The following NRDC variants were observed in gnomAD, a reference collection of about 807,000 sequenced individuals.
NRDC encodes nardilysin.
NRDC carries 54 observed loss-of-function variants against 147.1 expected under a neutral mutation model. That is an observed-to-expected ratio of 0.37 (90% confidence interval 0.29 to 0.46). The LOEUF (loss-of-function observed/expected upper bound fraction) is 0.46. NRDC is among the 20% of genes least tolerant of loss of function. The pLI is 1.00. For missense variants in NRDC, 1,082 were observed against 1,370.6 expected (o/e 0.79, Z 3.33); for synonymous variants, 440 against 482.1 (o/e 0.91, Z 1.14).
chr1:51,848,359 T>C (rs879295025), intron 1 of NRDC, among the ~76,000 whole-genome samples: 22 of 152,088 alleles, frequency 1.4e-4, no homozygotes, highest in Non-Finnish European at 2.6e-4. Context: ...CAGGCGCCTG[T>C]AGTCCCAGCT....
chr1:51,815,867 C>T (rs904398482), intron 11 of NRDC: 1 of 152,324 alleles, frequency 6.6e-6, no homozygotes, highest in Admixed American at 6.5e-5. Flanking sequence ...AACATGGCTG[C>T]ATATACCATT....
At chr1:51,819,684 A>T in intron 9 of NRDC, 116 bp downstream of exon 9, 1 of 785,030 alleles carries the variant, frequency 1.3e-6, no homozygotes, top group South Asian at 1.8e-5. Context: ...TTCCTTTCCA[A>T]CCCAGCTGTA....
intron 4 of NRDC, among the ~76,000 whole-genome samples, chr1:51,832,289 C>T (rs12135327): frequency 0.51 from 77,669 of 151,998 alleles, 21,139 homozygotes; most frequent in East Asian, 0.93. Context: ...TCAAGTTATC[C>T]GCCCACCTCG....
intron 22 of NRDC, among the ~76,000 whole-genome samples, chr1:51,796,712 C>T (rs1678934984): frequency 6.6e-6 from 1 of 151,522 alleles, no homozygotes; most frequent in South Asian, 2.1e-4. Flanking sequence ...CTCAGCCTCC[C>T]GAGTAGCTGG....
At chr1:51,837,467 T>C (rs1308596542) in intron 2 of NRDC, 2 of 1,544,524 alleles carry the variant, frequency 1.3e-6, no homozygotes, top group Non-Finnish European at 1.8e-6. Flanking sequence ...TGTTCTGTGA[T>C]GTTTTAATAG....
intron 6 of NRDC, among the ~76,000 whole-genome samples, chr1:51,824,071 G>A (rs947943882): frequency 7.3e-5 from 11 of 150,540 alleles, no homozygotes; most frequent in African/African-American, 2.2e-4. Flanking sequence ...TAGTCTAGCA[G>A]TATTCAATCC....
In NRDC at chr1:51,878,433, G is replaced by A; in HGVS notation, c.183C>T (p.Ser61=). The A allele has an allele frequency of 2.5e-6, 4 of 1,614,124 alleles. No homozygotes were observed. Among genetic ancestry groups the A allele is most frequent in the Non-Finnish European group, 3.4e-6 (4 of 1,180,050 alleles). Residue 61 remains serine (S), a synonymous_variant, in exon 1 of 31, where the codon AGC becomes AGT. Coordinates refer to ENST00000352171, the MANE Select transcript of NRDC (RefSeq NM_001101662.2). ...PGRNKAKSTC[S]CPDLQPNGQD... ...GTCCATTGGGCTGCAGGTCAGGGCA[G>A]CTGCAGGTAGACTTCGCCTTGTTCC...
intron 1 of NRDC, among the ~76,000 whole-genome samples, chr1:51,855,933 T>G (rs140414475): frequency 4.1e-4 from 63 of 152,116 alleles, no homozygotes; most frequent in Non-Finnish European, 4.1e-4. Context: ...ACACAAGATG[T>G]CAAATAAAAT....
chr1:51,878,059 C>A, intron 1 of NRDC: 1 of 1,403,974 alleles, frequency 7.1e-7, no homozygotes, highest in Admixed American at 3.0e-5. Flanking sequence ...AAAGCTTCTC[C>A]CATTCTGACG....
chr1:51,854,786 T>TA (rs1682152268), intron 1 of NRDC, among the ~76,000 whole-genome samples: 1 of 152,138 alleles, frequency 6.6e-6, no homozygotes. Context: ...CCAAGGAAGT[T>TA]AAGAGTCACA....
At chr1:51,836,551 A>T (rs1680985312) in intron 2 of NRDC, 10 of 859,768 alleles carry the variant, frequency 1.2e-5, no homozygotes, top group Admixed American at 5.0e-5. Flanking sequence ...TTTTTCCCTG[A>T]ATTACTAGAT....
chr1:51,817,415 C>A (rs1680021559), intron 10 of NRDC, among the ~76,000 whole-genome samples: 1 of 152,030 alleles, frequency 6.6e-6, no homozygotes, highest in South Asian at 2.1e-4. Flanking sequence ...TTCTCTGGCC[C>A]ATGCTACACT....
At chr1:51,851,543 A>C (rs12750741) in intron 1 of NRDC, among the ~76,000 whole-genome samples, 2 of 145,530 alleles carry the variant, frequency 1.4e-5, no homozygotes, top group African/African-American at 5.1e-5. Flanking sequence ...ATTTGGGCCC[A>C]AGGAAAAAAA....
At chr1:51,801,632 G>GTTTTTA (rs1679207054) in intron 20 of NRDC, among the ~76,000 whole-genome samples, 1 of 152,000 alleles carries the variant, frequency 6.6e-6, no homozygotes, top group Non-Finnish European at 1.5e-5. Flanking sequence ...TTCCAAAAAA[G>GTTTTTA]TTTTTATTTT....
In NRDC at chr1:51,795,474, A is replaced by G. The variant is rs556577945; in HGVS notation, c.2605-620T>C. On this transcript the variant is annotated intron_variant, in intron 22 of 30. Coordinates refer to ENST00000352171, the MANE Select transcript of NRDC (RefSeq NM_001101662.2). Reference sequence around the variant, plus strand: ...GAGACTTAAGATTCTTTTGGTGGCCAAGACAGAAACTAAGGCTGGTTCTGG... The same window carrying G: ...GAGACTTAAGATTCTTTTGGTGGCCGAGACAGAAACTAAGGCTGGTTCTGG... 4.6e-4 allele frequency: 101 copies of G among 217,628 alleles called. No individual in the cohort carries two copies. In the South Asian group the frequency reaches 6.7e-3, roughly 15 times the overall value. The allele number at this position is 217,628 out of a possible 1,614,324, so 13.5% of individuals were successfully genotyped here.
intron 15 of NRDC, 121 bp from the exon 16 acceptor site, chr1:51,810,525 A>C: frequency 1.2e-6 from 1 of 824,044 alleles, no homozygotes; most frequent in Non-Finnish European, 1.8e-6. Context: ...AAATACCTAC[A>C]GTTCATGAAC....
At chr1:51,833,853 G>A (rs939478463) in intron 4 of NRDC, among the ~76,000 whole-genome samples, 164 bp downstream of exon 4, 5 of 152,036 alleles carry the variant, frequency 3.3e-5, no homozygotes, top group Admixed American at 3.3e-4. Context: ...GGCTTTAAGC[G>A]AGCCTTCTAC....
intron 30 of NRDC, 50 bp downstream of exon 30, chr1:51,789,518 C>T (rs1296075973): frequency 1.9e-6 from 3 of 1,590,232 alleles, no homozygotes; most frequent in South Asian, 2.2e-5. Flanking sequence ...CCCAAACTCA[C>T]TCAGTAAATG....
chr1:51,815,580 T>C (rs756590488), intron 11 of NRDC, among the ~76,000 whole-genome samples: 2 of 152,190 alleles, frequency 1.3e-5, no homozygotes, highest in Non-Finnish European at 1.5e-5. Context: ...ATATAACATA[T>C]ATTGTGTAAG....
Sources: allele counts gnomAD v4.1 joint callset (sites outside exome capture counted in the v4.1 genomes callset), GRCh38; gene constraint gnomAD v4.1.1; transcripts MANE v1.5; gene names NCBI Gene and HGNC (gene_info 2026-07-23, HGNC 2026-07-21).